TMTC2: variants seen among roughly 807,000 people sequenced by gnomAD.
The protein encoded by TMTC2 is transmembrane O-mannosyltransferase targeting cadherins 2.
Under a neutral mutation model 82.4 loss-of-function variants are expected in TMTC2, and 43 were observed. The ratio of observed to expected loss-of-function variants is 0.52; its 90% CI spans 0.41 to 0.67. The LOEUF (loss-of-function observed/expected upper bound fraction) is 0.67. Among genes scored for constraint, TMTC2 ranks in the 30% least tolerant of loss-of-function variants. The pLI is 0.00. For synonymous variants in TMTC2, 408 were observed against 381.9 expected, an observed-to-expected ratio of 1.07 and a Z score of -0.80; for missense variants, 919 against 1,012.4, an observed-to-expected ratio of 0.91 and a Z score of 1.25.
At chr12:82,788,497 G>A (rs1336243314) in intron 1 of TMTC2, among the ~76,000 whole-genome samples, 1 of 151,994 alleles carries the variant, frequency 6.6e-6, no homozygotes, top group African/African-American at 2.4e-5. Flanking sequence ...TTGCTTGAGT[G>A]GTGGGTTAAC....
chr12:82,939,266 T>G (rs2137259285), intron 4 of TMTC2, among the ~76,000 whole-genome samples: 1 of 152,254 alleles, frequency 6.6e-6, no homozygotes, highest in Non-Finnish European at 1.5e-5. Flanking sequence ...GGTTGAAAAC[T>G]TATGTGTAAG....
At chr12:82,953,103 T>G (rs1877432905) in intron 4 of TMTC2, among the ~76,000 whole-genome samples, 1 of 152,114 alleles carries the variant, frequency 6.6e-6, no homozygotes, top group African/African-American at 2.4e-5. Context: ...GTTTGACCAC[T>G]ACCTCCCTCA....
At chr12:82,930,100 A>G (rs1009783712) in intron 3 of TMTC2, among the ~76,000 whole-genome samples, 1 of 152,158 alleles carries the variant, frequency 6.6e-6, no homozygotes, top group Admixed American at 6.5e-5. Context: ...GTAAGTATAC[A>G]ATAATTTCAG....
intron 1 of TMTC2, among the ~76,000 whole-genome samples, chr12:82,776,288 A>T (rs535125944): frequency 6.6e-6 from 1 of 152,130 alleles, no homozygotes; most frequent in Non-Finnish European, 1.5e-5. Context: ...GGCCTTCCTG[A>T]TGGTTCCTAG....
chr12:82,868,851 T>C (rs115094240), intron 2 of TMTC2, among the ~76,000 whole-genome samples: 2,172 of 152,184 alleles, frequency 0.014, 57 homozygotes, highest in African/African-American at 0.049. Flanking sequence ...TTTGTTGTTG[T>C]TGTTGTTGTT....
At chr12:82,802,073 G>A (rs1374439207) in intron 1 of TMTC2, among the ~76,000 whole-genome samples, 2 of 152,122 alleles carry the variant, frequency 1.3e-5, no homozygotes, top group East Asian at 1.9e-4. Context: ...ATGGAACTGG[G>A]CGCCATGGAG....
rs777751747 is a variant in TMTC2 at position 82,687,673 on chromosome 12, A to G, written c.83+4A>G. On this transcript the variant is annotated splice_donor_region_variant and intron_variant, in intron 1 of 11. Coordinates refer to ENST00000321196, the MANE Select transcript of TMTC2 (RefSeq NM_152588.3). ...CGGATTTCTGCTATGATGACAGGTA[A>G]GGGGCCGAGAGGAGGGGGCGACGGG... 2 of 1,601,620 alleles carry G rather than the reference A, an allele frequency of 1.2e-6. No individual in the cohort carries two copies. Among genetic ancestry groups the G allele is most frequent in the South Asian group, 2.3e-5 (2 of 88,170 alleles).
chr12:82,707,631 G>A (rs1873424670), intron 1 of TMTC2, among the ~76,000 whole-genome samples: 1 of 152,196 alleles, frequency 6.6e-6, no homozygotes, highest in Non-Finnish European at 1.5e-5. Context: ...TTGGGGAATG[G>A]TAGGGATACT....
chr12:82,960,229 C>T (rs118105131), intron 4 of TMTC2, among the ~76,000 whole-genome samples: 12,023 of 151,856 alleles, frequency 0.079, 642 homozygotes, highest in Non-Finnish European at 0.12. Flanking sequence ...GGAGATTTCT[C>T]GAAGAACTTA....
intron 1 of TMTC2, among the ~76,000 whole-genome samples, chr12:82,841,797 G>C (rs1027035489): frequency 2.0e-5 from 3 of 152,154 alleles, no homozygotes; most frequent in Non-Finnish European, 2.9e-5. Flanking sequence ...TGAAATTATA[G>C]GTTAGCGTTT....
At chr12:82,858,560 G>T (rs535567773) in intron 2 of TMTC2, among the ~76,000 whole-genome samples, 11 of 152,010 alleles carry the variant, frequency 7.2e-5, no homozygotes, top group Admixed American at 6.6e-4. Context: ...TTTCACCATC[G>T]ATTTCTAATT....
intron 4 of TMTC2, among the ~76,000 whole-genome samples, chr12:82,964,083 C>G (rs1291560407): frequency 6.6e-6 from 1 of 151,148 alleles, no homozygotes; most frequent in Non-Finnish European, 1.5e-5. Flanking sequence ...TTTCACAGAC[C>G]TCAGCAGCTG....
chr12:82,934,850 G>A lies in TMTC2; in HGVS notation c.1598+4305G>A, dbSNP rs148388489. ...TAGACTCCACCAGCAGTGTAAAAGC[G>A]TTGCTATGTCTCCATATCCTTTCCA... is the stretch of plus-strand genomic sequence containing the variant. On this transcript the variant is annotated intron_variant, in intron 4 of 11. Transcript: ENST00000321196. Among the ~76,000 whole-genome samples, 399 of 152,160 alleles carry A rather than the reference G, an allele frequency of 2.6e-3. 6 individuals carry two copies. Among genetic ancestry groups the A allele is most frequent in the African/African-American group, 8.9e-3 (371 of 41,514 alleles).
At chr12:82,765,731 A>C (rs1437909813) in intron 1 of TMTC2, among the ~76,000 whole-genome samples, 2 of 152,132 alleles carry the variant, frequency 1.3e-5, no homozygotes, top group African/African-American at 4.8e-5. Context: ...AAACAAAGAA[A>C]AAACAGGTAC....
At position 82,890,597 on chromosome 12, in the gene TMTC2, T is replaced by A. The variant is rs558172071; in HGVS notation, c.655-5221T>A. On this transcript the variant is annotated intron_variant, in intron 2 of 11. Transcript: ENST00000321196. ...ACAAATATGCAGTGACCCTCAACTTTGGCTGCATTAGAATCACCTATGAGA... is the reference window on the plus strand; with the variant it reads ...ACAAATATGCAGTGACCCTCAACTTAGGCTGCATTAGAATCACCTATGAGA... Among the ~76,000 whole-genome samples, 13 of 152,338 alleles carry A rather than the reference T, an allele frequency of 8.5e-5. No individual in the cohort carries two copies. The South Asian group carries it at 2.7e-3, about 32-fold the overall frequency.
At chr12:82,844,568 G>T (rs773069907) in intron 1 of TMTC2, among the ~76,000 whole-genome samples, 1 of 152,058 alleles carries the variant, frequency 6.6e-6, no homozygotes, top group African/African-American at 2.4e-5. Flanking sequence ...TTGGGTGGCC[G>T]AGGCGAGCAG....
At position 82,905,671 on chromosome 12, in the gene TMTC2, G is replaced by T. The variant is rs367966471; in HGVS notation, c.1483+9025G>T. Among the ~76,000 whole-genome samples, 8 of 152,238 alleles carry T rather than the reference G, an allele frequency of 5.3e-5. No individual in the cohort carries two copies. The East Asian group carries it at 9.7e-4, about 18-fold the overall frequency. On this transcript the variant is annotated intron_variant, in intron 3 of 11. Coordinates refer to ENST00000321196, the MANE Select transcript of TMTC2 (RefSeq NM_152588.3). ...TATAGAAAAACACAGTTGGCCAGGCGCCATGGCTCACGCCTGTAATCCCAG... is the reference window on the plus strand; with the variant it reads ...TATAGAAAAACACAGTTGGCCAGGCTCCATGGCTCACGCCTGTAATCCCAG...
In TMTC2 at chr12:82,857,590, T is replaced by G. The variant is rs755538066; in HGVS notation, c.654+10T>G. ...ACCTACCATTTACAAAGTAAGTGAT[T>G]GTTGGCTCTTGAGCATTGGATTACT... is the stretch of plus-strand genomic sequence containing the variant. On this transcript the variant is annotated intron_variant, in intron 2 of 11. Transcript: ENST00000321196. 106 of 1,586,136 alleles carry G rather than the reference T, an allele frequency of 6.7e-5. No homozygotes were observed. Among genetic ancestry groups the G allele is most frequent in the Admixed American group, 5.4e-4 (31 of 57,828 alleles).
rs1192513065 is a variant in TMTC2, at chr12:82,896,646, G to A, written c.1483G>A (p.Ala495Thr). Residue 495 changes from alanine (A) to threonine (T), a missense_variant and splice_region_variant, in exon 3 of 12, where the codon GCA (alanine) becomes ACA (threonine). Physicochemically the swap from Ala to Thr is moderately conservative, Grantham distance 58. Transcript: ENST00000321196. ...AGGGATAAAAGTAAACCCAGCTAAA[G>A]GTAATCTTTTATTTTATGCTTTTGT... ...RSGIKVNPAK[A>T]WGNLGNVLKS... 1 of 1,590,382 alleles carries A rather than the reference G, an allele frequency of 6.3e-7. No individual in the cohort carries two copies. The highest frequency in any genetic ancestry group is 8.5e-7 in the Non-Finnish European group (1 of 1,170,740).
Sources: gnomAD v4.1 joint callset for allele counts (sites outside exome capture counted in the v4.1 genomes callset) on GRCh38, gnomAD v4.1.1 for gene constraint, MANE v1.5 for transcripts, NCBI Gene and HGNC (gene_info 2026-07-23, HGNC 2026-07-21) for gene names.